Variants in ZNF536 observed in about 807,000 individuals in gnomAD.
ZNF536 encodes the protein zinc finger protein 536.
ZNF536 carries 13 observed loss-of-function variants against 84.5 expected under a neutral mutation model. The ratio of observed to expected loss-of-function variants is 0.15; its 90% CI spans 0.10 to 0.24. The LOEUF is 0.24. ZNF536 is among the 10% of genes least tolerant of loss of function. The pLI is 1.00. For missense variants in ZNF536, 1,536 were observed against 1,747.5 expected, an observed-to-expected ratio of 0.88 and a Z score of 2.16; for synonymous variants, 811 against 742.5, an observed-to-expected ratio of 1.09 and a Z score of -1.50.
intron 1 of ZNF536, among the ~76,000 whole-genome samples, chr19:30,616,086 T>C (rs2048284696): frequency 6.6e-6 from 1 of 152,242 alleles, no homozygotes; most frequent in South Asian, 2.1e-4. Flanking sequence ...TTCAGCAGGT[T>C]CTCATAAGTA....
rs77357847 is a variant in ZNF536, at chr19:30,444,519, G to A, written c.957G>A (p.Val319=). The change falls in exon 2 of 5, where the codon GTG becomes GTA. Residue 319 remains valine (V), a synonymous_variant. Transcript: ENST00000355537. The part of the protein sequence containing the change: ...ASQEEELISH[V]EKAHITAESA... The stretch of plus-strand genomic sequence containing the variant: ...AGGAGGAGGAGCTCATCAGCCACGT[G>A]GAGAAGGCACACATCACGGCCGAGT... The A allele has an allele frequency of 6.2e-7, 1 of 1,612,772 alleles. No homozygotes were observed.
At chr19:30,645,659 A>T (rs922141004) in intron 1 of ZNF536, among the ~76,000 whole-genome samples, 11 of 152,356 alleles carry the variant, frequency 7.2e-5, no homozygotes, top group African/African-American at 2.4e-4. Context: ...CTTGCATGTT[A>T]GGATCTGTGT....
At chr19:30,245,660 GTCTC>G (rs1187080499) in intron 1 of ZNF536, among the ~76,000 whole-genome samples, 5 of 152,208 alleles carry the variant, frequency 3.3e-5, no homozygotes, top group African/African-American at 1.2e-4. Context: ...AAAGAAGGTT[GTCTC>G]TCTATTGAAA....
intron 2 of ZNF536, among the ~76,000 whole-genome samples, chr19:30,468,115 C>G (rs2053491255): frequency 6.6e-6 from 1 of 152,250 alleles, no homozygotes; most frequent in Non-Finnish European, 1.5e-5. Context: ...CTGTAGGAAA[C>G]TGAAATTCCA....
At chr19:30,650,738 G>C (rs1024941876) in intron 1 of ZNF536, among the ~76,000 whole-genome samples, 1 of 152,182 alleles carries the variant, frequency 6.6e-6, no homozygotes, top group Non-Finnish European at 1.5e-5. Context: ...GACCAAGGTT[G>C]GTTGTTGTCC....
At chr19:30,679,013 G>T (rs558484709) in intron 1 of ZNF536, among the ~76,000 whole-genome samples, 1 of 152,108 alleles carries the variant, frequency 6.6e-6, no homozygotes, top group South Asian at 2.1e-4. Context: ...ATAGCTGCAG[G>T]ATCCCTGCAG....
chr19:30,365,817 A>G (rs186794468), intron 3 of ZNF536, among the ~76,000 whole-genome samples: 2 of 152,260 alleles, frequency 1.3e-5, no homozygotes, highest in East Asian at 3.9e-4. Flanking sequence ...TTCCCATAAC[A>G]TATTATATTT....
intron 1 of ZNF536, among the ~76,000 whole-genome samples, chr19:30,707,042 G>A (rs1479255499): frequency 6.6e-6 from 1 of 152,172 alleles, no homozygotes; most frequent in African/African-American, 2.4e-5. Context: ...GTCCATTTCA[G>A]AGTAGCTCGA....
At chr19:30,304,659 G>T (rs1439254598) in intron 2 of ZNF536, among the ~76,000 whole-genome samples, 1 of 152,184 alleles carries the variant, frequency 6.6e-6, no homozygotes, top group Non-Finnish European at 1.5e-5. Flanking sequence ...GAGGTGACCT[G>T]GTAGGGTCCC....
chr19:30,488,705 C>G (rs1163613456), intron 2 of ZNF536, among the ~76,000 whole-genome samples: 2 of 152,142 alleles, frequency 1.3e-5, no homozygotes, highest in East Asian at 3.9e-4. Flanking sequence ...GAGGGGTCAG[C>G]TGGAGGAATC....
chr19:30,482,302 T>C (rs1233762224), intron 2 of ZNF536, among the ~76,000 whole-genome samples: 1 of 152,212 alleles, frequency 6.6e-6, no homozygotes, highest in African/African-American at 2.4e-5. Flanking sequence ...GGTAACAGCT[T>C]TCTGAGGTAG....
intron 1 of ZNF536, among the ~76,000 whole-genome samples, chr19:30,277,197 A>G (rs1600025732): frequency 6.6e-6 from 1 of 152,206 alleles, no homozygotes; most frequent in Admixed American, 6.5e-5. Flanking sequence ...ACAGACAAAG[A>G]GTTTAAATTG....
chr19:30,581,125 A>G (rs1378406396), intron 1 of ZNF536, among the ~76,000 whole-genome samples: 1 of 152,262 alleles, frequency 6.6e-6, no homozygotes, highest in African/African-American at 2.4e-5. Context: ...TTATTTAGAA[A>G]AAGAAATAAT....
intron 1 of ZNF536, among the ~76,000 whole-genome samples, chr19:30,639,773 T>C (rs1458558438): frequency 6.6e-6 from 1 of 152,238 alleles, no homozygotes; most frequent in Non-Finnish European, 1.5e-5. Flanking sequence ...GGACTACGGA[T>C]GTCTCTGCTT....
rs761515727 is a variant in ZNF536, at chr19:30,445,558, G to C, written c.1996G>C (p.Val666Leu). 1.2e-6 allele frequency: 2 copies of C among 1,613,520 alleles called. No individual in the cohort carries two copies. Among genetic ancestry groups the C allele is most frequent in the Admixed American group, 1.7e-5 (1 of 60,008 alleles). Residue 666 changes from valine to leucine, a missense_variant, in exon 2 of 5, where the codon GTG (valine) becomes CTG (leucine). Around this residue, in one of 8 missense-constraint regions of ZNF536, gnomAD observed 366 missense variants for 364.4 expected, o/e 1.00. Coordinates refer to ENST00000355537, the MANE Select transcript of ZNF536 (RefSeq NM_014717.3). The surrounding 1 kb of genome is among the most constrained non-coding windows in gnomAD (Gnocchi z 4.5). ...CAAGGGCGAGGAGGATGGGCTGCAC[G>C]TGGGCCTGGATGAGCGGCGTGGCTC... ...DRKGEEDGLH[V>L]GLDERRGSGS...
intron 1 of ZNF536, among the ~76,000 whole-genome samples, chr19:30,649,972 T>C (rs186739760): frequency 6.6e-6 from 1 of 152,242 alleles, no homozygotes; most frequent in African/African-American, 2.4e-5. Flanking sequence ...GGCAAAATGA[T>C]ACGGGTAAGT....
At chr19:30,343,311 T>G (rs1229356131) in intron 2 of ZNF536, among the ~76,000 whole-genome samples, 1 of 152,222 alleles carries the variant, frequency 6.6e-6, no homozygotes, top group Non-Finnish European at 1.5e-5. Flanking sequence ...ACTGTGTGTT[T>G]ACGCCTCCAA....
chr19:30,609,386 G>A (rs1231032614), intron 1 of ZNF536, among the ~76,000 whole-genome samples: 2 of 152,168 alleles, frequency 1.3e-5, no homozygotes. Flanking sequence ...TTAGTTATAA[G>A]GAACTTCAAA....
At chr19:30,585,216 A>G (rs532210136) in intron 1 of ZNF536, among the ~76,000 whole-genome samples, 1 of 152,360 alleles carries the variant, frequency 6.6e-6, no homozygotes, top group East Asian at 1.9e-4. Flanking sequence ...TCAGCTTTTC[A>G]GCAATCTTGA....
Sources: allele counts gnomAD v4.1 joint callset (sites outside exome capture counted in the v4.1 genomes callset), GRCh38; gene constraint gnomAD v4.1.1; regional missense constraint gnomAD v4.1.1; non-coding constraint Gnocchi (gnomAD v3.1); transcripts MANE v1.5; gene names NCBI Gene and HGNC (gene_info 2026-07-23, HGNC 2026-07-21).